Variants in CFAP47 observed in about 807,000 individuals in gnomAD.
The protein encoded by CFAP47 is cilia and flagella associated protein 47, also known as cilia- and flagella-associated protein 47.
A neutral mutation model predicts 148.1 loss-of-function variants in CFAP47; 29 were observed. That is an observed-to-expected ratio of 0.20 (90% confidence interval 0.15 to 0.27). The LOEUF (loss-of-function observed/expected upper bound fraction) is 0.27, where lower values mean the gene tolerates loss of function less well. CFAP47 is among the 10% of genes least tolerant of loss of function. CFAP47 has a pLI of 1.00. For synonymous variants in CFAP47, 664 were observed against 577.3 expected (o/e 1.15, Z -2.15); for missense variants, 1,872 against 1,697.5 (o/e 1.10, Z -1.81).
intron 26 of CFAP47, 31 bp from the exon 27 acceptor site, chrX:36,065,612 T>C: frequency 1.1e-6 from 1 of 918,959 alleles, no homozygotes; most frequent in Non-Finnish European, 1.6e-6. Context: ...GAAATTTTTA[T>C]TGTATTGAAA....
At chrX:36,240,622 G>A (rs1450335130) in intron 48 of CFAP47, among the ~76,000 whole-genome samples, 3 of 110,495 alleles carry the variant, frequency 2.7e-5, no homozygotes, top group African/African-American at 9.9e-5. Flanking sequence ...CAGAACTTTA[G>A]ATATACATGG....
intron 62 of CFAP47, among the ~76,000 whole-genome samples, 194 bp downstream of exon 62, chrX:36,367,321 C>T (rs182093923): frequency 4.5e-5 from 5 of 111,360 alleles, no homozygotes; most frequent in African/African-American, 6.5e-5. Flanking sequence ...AAAGTGAAGA[C>T]CAGAATGAAA....
intron 35 of CFAP47, among the ~76,000 whole-genome samples, chrX:36,141,680 A>G (rs1165034004): frequency 2.7e-5 from 3 of 112,470 alleles, no homozygotes; most frequent in Non-Finnish European, 3.8e-5. Context: ...GTTTAAAAAT[A>G]AGGAAATTTA....
chrX:36,069,263 A>T (rs1014716441), intron 27 of CFAP47, among the ~76,000 whole-genome samples: 1 of 111,454 alleles, frequency 9.0e-6, no homozygotes, highest in Non-Finnish European at 1.9e-5. Context: ...GAGGACCCAT[A>T]GACTGCAAAT....
intron 54 of CFAP47, among the ~76,000 whole-genome samples, chrX:36,305,247 A>C (rs1259973917): frequency 1.8e-5 from 2 of 111,929 alleles, no homozygotes; most frequent in Non-Finnish European, 3.8e-5. Flanking sequence ...AAGTGTACAC[A>C]CATTATTATA....
chrX:36,195,815 A>C (rs782480075), intron 42 of CFAP47, among the ~76,000 whole-genome samples: 20 of 111,656 alleles, frequency 1.8e-4, no homozygotes, highest in Non-Finnish European at 3.0e-4. Flanking sequence ...AATTGGTGAC[A>C]CATTTGAGTG....
At chrX:36,035,541 CTTTG>C (rs1309124053) in intron 23 of CFAP47, among the ~76,000 whole-genome samples, 150 bp from the exon 24 acceptor site, 2 of 111,909 alleles carry the variant, frequency 1.8e-5, no homozygotes, top group Non-Finnish European at 3.8e-5. Context: ...CTAAAAACCC[CTTTG>C]TTTGTCTAAT....
intron 62 of CFAP47, among the ~76,000 whole-genome samples, chrX:36,374,220 T>A (rs1482742163): frequency 9.0e-6 from 1 of 111,459 alleles, no homozygotes; most frequent in African/African-American, 3.3e-5. Flanking sequence ...ACGATCTTTT[T>A]TAAAATTGGC....
intron 48 of CFAP47, among the ~76,000 whole-genome samples, chrX:36,251,066 G>A (rs1360922579): frequency 9.0e-6 from 1 of 111,219 alleles, no homozygotes; most frequent in East Asian, 2.8e-4. Flanking sequence ...GATATAAGTA[G>A]CAACAGAATA....
intron 4 of CFAP47, 147 bp from the exon 5 acceptor site, chrX:35,950,984 G>A (rs1319228915): frequency 6.7e-6 from 3 of 447,732 alleles, no homozygotes; most frequent in Non-Finnish European, 1.2e-5. Flanking sequence ...TGGTATGTAC[G>A]TGAAAGGAAC....
intron 40 of CFAP47, 71 bp from the exon 41 acceptor site, chrX:36,188,549 A>T (rs1939831899): frequency 6.8e-6 from 2 of 295,006 alleles, no homozygotes; most frequent in Non-Finnish European, 1.2e-5. Context: ...TATATGATTT[A>T]ACTAATATGA....
Position 35,966,062 on chromosome X carries a change from T to G in CFAP47, c.1411-503T>G, listed in dbSNP as rs902678226. ...TGTTCTCTTTCCTCTTCTGGAGAAGTAGGTTTTTGGAAGTCCTTAATCCAC... is the reference window on the plus strand; with the variant it reads ...TGTTCTCTTTCCTCTTCTGGAGAAGGAGGTTTTTGGAAGTCCTTAATCCAC... On this transcript the variant is annotated intron_variant, in intron 8 of 63. Transcript: ENST00000378653. 3.7e-5 allele frequency among the ~76,000 whole-genome samples: 4 copies of G among 109,108 alleles called. No homozygotes were observed. The Admixed American group carries it at 3.9e-4, about 11-fold the overall frequency. The allele number at this position is 109,108 out of a possible 115,157, so 94.7% of individuals were successfully genotyped here.
intron 49 of CFAP47, among the ~76,000 whole-genome samples, chrX:36,272,215 T>C (rs1940967118): frequency 9.0e-6 from 1 of 111,687 alleles, no homozygotes; most frequent in Non-Finnish European, 1.9e-5. Flanking sequence ...TTGTAACAGG[T>C]AAAACATGGC....
chrX:36,115,000 G>C, intron 33 of CFAP47, among the ~76,000 whole-genome samples: 1 of 111,385 alleles, frequency 9.0e-6, no homozygotes, highest in East Asian at 2.8e-4. Flanking sequence ...GCTTCTTTCT[G>C]CATTTAAATT....
At chrX:36,163,989 T>A (rs1187955949) in intron 39 of CFAP47, among the ~76,000 whole-genome samples, 1 of 112,198 alleles carries the variant, frequency 8.9e-6, no homozygotes, top group Non-Finnish European at 1.9e-5. Flanking sequence ...AATTTCCCCA[T>A]GTTTGTTAAT....
intron 37 of CFAP47, among the ~76,000 whole-genome samples, chrX:36,157,765 A>C (rs1303804275): frequency 9.0e-6 from 1 of 111,205 alleles, no homozygotes; most frequent in South Asian, 3.8e-4. Flanking sequence ...TATCAATTGC[A>C]TGAAAGAATT....
intron 2 of CFAP47, among the ~76,000 whole-genome samples, chrX:35,929,860 G>A (rs1601881299): frequency 9.1e-6 from 1 of 110,353 alleles, no homozygotes; most frequent in South Asian, 3.9e-4. Flanking sequence ...TTAGCTGGGC[G>A]TGGTGGTGCA....
intron 52 of CFAP47, among the ~76,000 whole-genome samples, chrX:36,299,385 AT>A (rs1201859436): frequency 9.0e-6 from 1 of 111,445 alleles, no homozygotes; most frequent in Non-Finnish European, 1.9e-5. Flanking sequence ...TTCTCCTTTT[AT>A]CCCCTTTCAC....
At chrX:35,961,029 C>T (rs1379931546) in intron 8 of CFAP47, among the ~76,000 whole-genome samples, 1 of 111,301 alleles carries the variant, frequency 9.0e-6, no homozygotes, top group Non-Finnish European at 1.9e-5. Context: ...AGGGAGTTCC[C>T]TTCTATTCCT....
Sources: gnomAD v4.1 joint callset for allele counts (sites outside exome capture counted in the v4.1 genomes callset) on GRCh38, gnomAD v4.1.1 for gene constraint, MANE v1.5 for transcripts, NCBI Gene and HGNC (gene_info 2026-07-23, HGNC 2026-07-21) for gene names.